Variants in MGA observed in about 807,000 individuals in gnomAD.
The protein encoded by MGA is MAX gene-associated protein.
Under a neutral mutation model 261.1 loss-of-function variants are expected in MGA, and 40 were observed. The observed-to-expected ratio is 0.15, with a 90% CI of 0.12 to 0.20. The LOEUF (loss-of-function observed/expected upper bound fraction) is 0.20. MGA is among the 10% of genes least tolerant of loss of function. The pLI, the probability that MGA is intolerant of heterozygous loss-of-function variation, is 1.00. For synonymous variants in MGA, 1,302 were observed against 1,290.6 expected, an observed-to-expected ratio of 1.01 and a Z score of -0.19; for missense variants, 3,397 against 3,630.5, an observed-to-expected ratio of 0.94 and a Z score of 1.65.
intron 22 of MGA, among the ~76,000 whole-genome samples, chr15:41,763,261 G>C (rs1363756381): frequency 1.3e-5 from 2 of 150,914 alleles, no homozygotes; most frequent in African/African-American, 2.4e-5. Flanking sequence ...CACTACACCC[G>C]GCTAATTTTT....
In MGA at chr15:41,696,601, A is replaced by G. The variant is rs1268486571; in HGVS notation, c.1591A>G (p.Arg531Gly). The change falls in exon 3 of 24, where the codon AGA (arginine) becomes GGA (glycine). Residue 531 changes from arginine to glycine, a missense_variant. By Grantham distance (125) the Arg-to-Gly change is moderately radical. Transcript: ENST00000219905. ...AGGCAAGGAATCAGAAAATGGTCTT[A>G]GAAAACATTCACCAGATCTCAGAGT... 9.3e-6 allele frequency: 15 copies of G among 1,613,834 alleles called. No homozygotes were observed. Among genetic ancestry groups the G allele is most frequent in the Non-Finnish European group, 1.3e-5 (15 of 1,179,878 alleles).
intron 10 of MGA, among the ~76,000 whole-genome samples, chr15:41,728,101 G>A (rs1180905885): frequency 2.6e-5 from 4 of 152,004 alleles, no homozygotes; most frequent in Non-Finnish European, 4.4e-5. Flanking sequence ...AGGCTGAGGC[G>A]GGTGGATGAT....
chr15:41,761,529 A>G (rs999492897), intron 20 of MGA, among the ~76,000 whole-genome samples: 1 of 152,260 alleles, frequency 6.6e-6, no homozygotes, highest in African/African-American at 2.4e-5. Flanking sequence ...GGAAATAATC[A>G]TGGTCACATT....
At position 41,740,058 on chromosome 15, in the gene MGA, A is replaced by G. The variant is rs752176289; in HGVS notation, c.4440A>G (p.Ala1480=). ...TCAGTACTGTCATCTCCAAGGTAGC[A>G]TCCAATGCCAAGGTGGCTGCATCCA... Residue 1480 remains alanine, a synonymous_variant, in exon 14 of 24, where the codon GCA becomes GCG. Transcript: ENST00000219905. 1 of 1,614,044 alleles carries G rather than the reference A, an allele frequency of 6.2e-7. No individual in the cohort carries two copies. The highest frequency in any genetic ancestry group is 1.3e-5 in the African/African-American group (1 of 75,062).
intron 1 of MGA, among the ~76,000 whole-genome samples, chr15:41,641,047 G>A (rs916412542): frequency 5.9e-5 from 9 of 152,030 alleles, no homozygotes; most frequent in Non-Finnish European, 1.5e-5. Context: ...CTATCTCTAT[G>A]GATTGATCTG....
intron 2 of MGA, among the ~76,000 whole-genome samples, chr15:41,685,496 G>T (rs1392806333): frequency 6.6e-6 from 1 of 152,024 alleles, no homozygotes; most frequent in African/African-American, 2.4e-5. Flanking sequence ...GAAAAAACCC[G>T]CTGGAATTGC....
intron 7 of MGA, among the ~76,000 whole-genome samples, chr15:41,708,597 G>A (rs1310148287): frequency 3.9e-5 from 6 of 152,194 alleles, no homozygotes; most frequent in Non-Finnish European, 8.8e-5. Flanking sequence ...GGGATTACAG[G>A]CGTGAGCTGC....
chr15:41,756,278 A>T lies in MGA; in HGVS notation c.7140-1510A>T, dbSNP rs577128204. Among the ~76,000 whole-genome samples the T allele has an allele frequency of 3.9e-5, 6 of 152,322 alleles. No individual in the cohort carries two copies. In the South Asian group the frequency reaches 1.0e-3, roughly 26 times the overall value. ...ATGGATATTAGAGACAGTTGACAGA[A>T]GAAGAAGAAACCTAAAAGCCCAGCA... is the stretch of plus-strand genomic sequence containing the variant. On this transcript the variant is annotated intron_variant, in intron 18 of 23. Coordinates refer to ENST00000219905, the MANE Select transcript of MGA (RefSeq NM_001164273.2).
intron 9 of MGA, among the ~76,000 whole-genome samples, chr15:41,726,675 G>A (rs1440917763): frequency 2.0e-5 from 3 of 151,362 alleles, no homozygotes; most frequent in African/African-American, 4.9e-5. Context: ...GTTGCCATGA[G>A]CCAAGATTGC....
intron 9 of MGA, among the ~76,000 whole-genome samples, chr15:41,716,080 T>C (rs950790663): frequency 6.6e-6 from 1 of 152,074 alleles, no homozygotes; most frequent in African/African-American, 2.4e-5. Flanking sequence ...CTGGTACAGT[T>C]CATTATAAAA....
chr15:41,699,641 A>G (rs1282948903), intron 5 of MGA, among the ~76,000 whole-genome samples: 1 of 152,170 alleles, frequency 6.6e-6, no homozygotes, highest in East Asian at 1.9e-4. Flanking sequence ...AGCTGGGACC[A>G]CAGGCGCCTG....
chr15:41,763,712 C>A (rs1445543698), intron 22 of MGA, among the ~76,000 whole-genome samples: 1 of 151,592 alleles, frequency 6.6e-6, no homozygotes, highest in Non-Finnish European at 1.5e-5. Context: ...CATTGCATTC[C>A]AGCCTGGGCA....
chr15:41,671,114 C>T (rs1434187799), intron 2 of MGA, among the ~76,000 whole-genome samples: 2 of 152,122 alleles, frequency 1.3e-5, no homozygotes, highest in Admixed American at 6.6e-5. Flanking sequence ...CACCAGTCCT[C>T]CTCAGATACA....
rs774977579 is a variant in MGA at position 41,696,922 on chromosome 15, T to C, written c.1912T>C (p.Ser638Pro). 6.2e-7 allele frequency: 1 copy of C among 1,601,846 alleles called. No individual in the cohort carries two copies. Among genetic ancestry groups the C allele is most frequent in the African/African-American group, 1.3e-5 (1 of 74,770 alleles). Residue 638 changes from serine (S) to proline (P), a missense_variant, in exon 3 of 24, where the codon TCT (serine) becomes CCT (proline). Around this residue, in one of 9 missense-constraint regions of MGA, gnomAD observed 563 missense variants for 563.6 expected, o/e 1.00. Coordinates refer to ENST00000219905, the MANE Select transcript of MGA (RefSeq NM_001164273.2). ...TAAGAACACAGGAAAGTCTTTAATT[T>C]CTACAAAGAATACACCTGTAAGCCC...
intron 9 of MGA, chr15:41,718,636 T>C (rs1230419301): frequency 3.5e-6 from 1 of 287,214 alleles, no homozygotes; most frequent in Admixed American, 5.1e-5. Flanking sequence ...ATGCCAGTTT[T>C]GGTTGAGATG....
intron 5 of MGA, among the ~76,000 whole-genome samples, chr15:41,700,155 C>A (rs917119305): frequency 6.6e-6 from 1 of 151,416 alleles, no homozygotes; most frequent in African/African-American, 2.4e-5. Context: ...CACCACTCTC[C>A]TGCCTCAGCC....
At chr15:41,754,161 C>T (rs1567091702) in intron 17 of MGA, among the ~76,000 whole-genome samples, 2 of 152,296 alleles carry the variant, frequency 1.3e-5, no homozygotes, top group South Asian at 2.1e-4. Flanking sequence ...TCAAAACGAT[C>T]CACCTGCCTG....
In MGA at chr15:41,710,678, T is replaced by A; in HGVS notation, c.2426-13T>A. The A allele has an allele frequency of 6.3e-7, 1 of 1,582,940 alleles. No individual in the cohort carries two copies. The highest frequency in any genetic ancestry group is 1.2e-5 in the South Asian group (1 of 86,016). On this transcript the variant is annotated splice_polypyrimidine_tract_variant and intron_variant, in intron 7 of 23. Transcript: ENST00000219905. ...TAGATTTCTTTAAGCATTTTATGTT[T>A]TCTTATTTCTAGGTGGAAATTCAGA...
chr15:41,683,197 G>A (rs2058764485), intron 2 of MGA, among the ~76,000 whole-genome samples: 1 of 152,144 alleles, frequency 6.6e-6, no homozygotes, highest in Admixed American at 6.5e-5. Context: ...CCTTGGTGTG[G>A]TGGTTCTCAT....
Sources: gnomAD v4.1 joint callset for allele counts (sites outside exome capture counted in the v4.1 genomes callset) on GRCh38, gnomAD v4.1.1 for gene constraint, gnomAD v4.1.1 regional missense constraint, MANE v1.5 for transcripts, NCBI Gene and HGNC (gene_info 2026-07-23, HGNC 2026-07-21) for gene names.